The following KCNQ5 variants were observed in gnomAD, a reference collection of about 807,000 sequenced individuals.
KCNQ5 encodes potassium voltage-gated channel subfamily KQT member 5.
In KCNQ5, 30 loss-of-function variants were observed where a neutral mutation model predicts 98.2. The ratio of observed to expected loss-of-function variants is 0.31; its 90% confidence interval spans 0.23 to 0.41. The LOEUF (loss-of-function observed/expected upper bound fraction) is 0.41, where lower values mean the gene tolerates loss of function less well. Among genes scored for constraint, KCNQ5 ranks in the 10% least tolerant of loss-of-function variants. KCNQ5 has a pLI of 1.00. For missense variants in KCNQ5, 835 were observed against 1,182.5 expected, an observed-to-expected ratio of 0.71 and a Z score of 4.31; for synonymous variants, 458 against 449.4, an observed-to-expected ratio of 1.02 and a Z score of -0.24.
Position 72,751,039 on chromosome 6 carries a change from C to T in KCNQ5, c.398+128452C>T, listed in dbSNP as rs138987280. Among the ~76,000 whole-genome samples, 89 of 152,058 alleles carry T rather than the reference C, an allele frequency of 5.9e-4. 1 individual carries two copies. Among genetic ancestry groups the T allele is most frequent in the Middle Eastern group, 3.4e-3 (1 of 294 alleles). On this transcript the variant is annotated intron_variant, in intron 1 of 13. Coordinates refer to ENST00000370398, the MANE Select transcript of KCNQ5 (RefSeq NM_019842.4). ...AAAAAAAATGGCTAAGATATGGTTC[C>T]TACCATTAAGAAGCCTATGATTTGG...
chr6:72,841,439 T>G (rs1776786771), intron 1 of KCNQ5, among the ~76,000 whole-genome samples: 1 of 152,164 alleles, frequency 6.6e-6, no homozygotes, highest in Admixed American at 6.5e-5. Context: ...CATGCAGACC[T>G]TTGTTGCAAA....
At chr6:73,124,177 G>A (rs1306173450) in intron 8 of KCNQ5, among the ~76,000 whole-genome samples, 9 of 152,196 alleles carry the variant, frequency 5.9e-5, no homozygotes, top group Non-Finnish European at 1.3e-4. Flanking sequence ...GCTAATTCTG[G>A]TTAGATCAGA....
chr6:72,904,831 AACCTG>A (rs1779639258), intron 1 of KCNQ5, among the ~76,000 whole-genome samples: 3 of 152,212 alleles, frequency 2.0e-5, no homozygotes, highest in Non-Finnish European at 4.4e-5. Flanking sequence ...TCATTTAGAT[AACCTG>A]ATGACAATGT....
chr6:72,908,629 C>A (rs1331257556), intron 1 of KCNQ5, among the ~76,000 whole-genome samples: 1 of 152,034 alleles, frequency 6.6e-6, no homozygotes, highest in Non-Finnish European at 1.5e-5. Flanking sequence ...AACATATGGA[C>A]CTTCTAAAAT....
At chr6:72,795,481 G>C (rs1774280464) in intron 1 of KCNQ5, among the ~76,000 whole-genome samples, 1 of 152,182 alleles carries the variant, frequency 6.6e-6, no homozygotes, top group African/African-American at 2.4e-5. Flanking sequence ...AGAATGCATA[G>C]TTAGAGAATA....
At chr6:73,099,150 T>C (rs1025712767) in intron 5 of KCNQ5, among the ~76,000 whole-genome samples, 17 of 151,540 alleles carry the variant, frequency 1.1e-4, no homozygotes, top group African/African-American at 3.6e-4. Flanking sequence ...AAGCATACAA[T>C]GGATACACAC....
chr6:73,128,006 A>G (rs1262303800), intron 9 of KCNQ5, among the ~76,000 whole-genome samples: 1 of 152,222 alleles, frequency 6.6e-6, no homozygotes, highest in African/African-American at 2.4e-5. Context: ...CAGAGGTTGC[A>G]GTGAGCTGAG....
chr6:73,123,124 TA>T (rs529127166), intron 8 of KCNQ5, among the ~76,000 whole-genome samples: 2,108 of 131,606 alleles, frequency 0.016, 27 homozygotes, highest in African/African-American at 0.028. Context: ...GCAGTTGGAG[TA>T]AAAAAAAAAA....
chr6:72,794,724 G>C (rs1319305623), intron 1 of KCNQ5, among the ~76,000 whole-genome samples: 1 of 151,984 alleles, frequency 6.6e-6, no homozygotes, highest in Non-Finnish European at 1.5e-5. Flanking sequence ...TTTTTTTATT[G>C]ACCCGAATAT....
chr6:72,921,871 C>G (rs1213648602), intron 1 of KCNQ5, among the ~76,000 whole-genome samples: 1 of 152,146 alleles, frequency 6.6e-6, no homozygotes, highest in African/African-American at 2.4e-5. Context: ...CTAAACCCAA[C>G]TTGGCTTTAT....
At chr6:72,680,332 C>T (rs1005379985) in intron 1 of KCNQ5, among the ~76,000 whole-genome samples, 23 of 152,274 alleles carry the variant, frequency 1.5e-4, no homozygotes, top group Admixed American at 3.3e-4. Flanking sequence ...TTTCAAGGTA[C>T]ATTCATGGTG....
intron 10 of KCNQ5, among the ~76,000 whole-genome samples, chr6:73,145,193 T>G (rs950843682): frequency 6.6e-6 from 1 of 152,214 alleles, no homozygotes; most frequent in Non-Finnish European, 1.5e-5. Flanking sequence ...TAGCACCTCA[T>G]GTATCGAGGC....
chr6:72,814,152 G>A (rs16882902), intron 1 of KCNQ5, among the ~76,000 whole-genome samples: 2,349 of 152,288 alleles, frequency 0.015, 39 homozygotes, highest in South Asian at 0.072. Flanking sequence ...AGGAACAGAA[G>A]GAAAGGGAAG....
chr6:72,830,754 GAGCTTCTGCAC>G (rs1352482357), intron 1 of KCNQ5, among the ~76,000 whole-genome samples: 1 of 152,134 alleles, frequency 6.6e-6, no homozygotes, highest in Non-Finnish European at 1.5e-5. Context: ...TTAAACTAAA[GAGCTTCTGCAC>G]AGCAAGGAAA....
At chr6:73,028,791 T>C (rs532163464) in intron 2 of KCNQ5, among the ~76,000 whole-genome samples, 1 of 152,354 alleles carries the variant, frequency 6.6e-6, no homozygotes, top group South Asian at 2.1e-4. Context: ...TACAGGATGC[T>C]TTATTAGTTA....
chr6:72,763,942 G>C (rs1582244795), intron 1 of KCNQ5, among the ~76,000 whole-genome samples: 1 of 151,848 alleles, frequency 6.6e-6, no homozygotes, highest in Non-Finnish European at 1.5e-5. Flanking sequence ...TTTCAATATA[G>C]AACACTAATG....
At chr6:72,822,510 G>A (rs925814178) in intron 1 of KCNQ5, among the ~76,000 whole-genome samples, 1 of 152,180 alleles carries the variant, frequency 6.6e-6, no homozygotes, top group African/African-American at 2.4e-5. Context: ...AAACCACAAA[G>A]TATAAAGATA....
At chr6:73,137,286 C>T (rs372055023) in intron 10 of KCNQ5, among the ~76,000 whole-genome samples, 16 of 152,210 alleles carry the variant, frequency 1.1e-4, no homozygotes, top group East Asian at 5.8e-4. Flanking sequence ...TTAAAAAGGA[C>T]GCAGTTGTCT....
chr6:72,958,971 G>A lies in KCNQ5; in HGVS notation c.399-44937G>A, dbSNP rs542840060. 3.9e-5 allele frequency among the ~76,000 whole-genome samples: 6 copies of A among 152,306 alleles called. No individual in the cohort carries two copies. The East Asian group carries it at 1.2e-3, about 29-fold the overall frequency. On this transcript the variant is annotated intron_variant, in intron 1 of 13. Coordinates refer to ENST00000370398, the MANE Select transcript of KCNQ5 (RefSeq NM_019842.4). ...ACCTGTTTATGGCAGTAAACGTGAAGAGAAGAGGTGTTTATCTTTCTCTTT... is the reference window on the plus strand; with the variant it reads ...ACCTGTTTATGGCAGTAAACGTGAAAAGAAGAGGTGTTTATCTTTCTCTTT...
Sources: gnomAD v4.1 joint callset for allele counts (sites outside exome capture counted in the v4.1 genomes callset) on GRCh38, gnomAD v4.1.1 for gene constraint, MANE v1.5 for transcripts, NCBI Gene and HGNC (gene_info 2026-07-23, HGNC 2026-07-21) for gene names.